GLB1: variants seen among roughly 807,000 people sequenced by gnomAD.
GLB1 encodes beta-galactosidase.
A neutral mutation model predicts 74.0 loss-of-function variants in GLB1; 56 were observed. That is an observed-to-expected ratio of 0.76 (90% confidence interval 0.61 to 0.94). GLB1 has a LOEUF of 0.94. Among genes scored for constraint, GLB1 ranks in the 40% least tolerant of loss-of-function variants. The pLI, the probability that GLB1 is intolerant of heterozygous loss-of-function variation, is 0.00. For missense variants in GLB1, 787 were observed against 845.5 expected (o/e 0.93, Z 0.86); for synonymous variants, 323 against 323.6 (o/e 1.00, Z 0.02).
chr3:33,067,005 T>TC (rs1483240034), intron 4 of GLB1, among the ~76,000 whole-genome samples: 2 of 148,766 alleles, frequency 1.3e-5, no homozygotes, highest in Non-Finnish European at 3.0e-5. Context: ...TTTATTTCTT[T>TC]TTTTTTTTTT....
At chr3:33,033,971 G>A (rs867082216) in intron 10 of GLB1, 6 of 555,196 alleles carry the variant, frequency 1.1e-5, no homozygotes, top group South Asian at 5.7e-5. Flanking sequence ...AGAAAAATCC[G>A]TCAAAATCTT....
At chr3:33,031,004 AC>A (rs1441626886) in intron 10 of GLB1, among the ~76,000 whole-genome samples, 1 of 152,188 alleles carries the variant, frequency 6.6e-6, no homozygotes, top group East Asian at 1.9e-4. Flanking sequence ...CAAAGCAAAT[AC>A]CTTTTAAAAT....
intron 1 of GLB1, chr3:33,092,416 C>T: frequency 2.0e-6 from 2 of 995,568 alleles, no homozygotes; most frequent in Non-Finnish European, 2.4e-6. Context: ...CTGGAAACCA[C>T]TTAAGTCCTA....
intron 10 of GLB1, among the ~76,000 whole-genome samples, chr3:33,038,544 T>C (rs1210782311): frequency 6.6e-6 from 1 of 152,032 alleles, no homozygotes; most frequent in Non-Finnish European, 1.5e-5. Flanking sequence ...TCCAAAAAAA[T>C]GGAAAATGTC....
At chr3:33,092,704 G>C (rs1339069120) in intron 1 of GLB1, 1 of 1,456,652 alleles carries the variant, frequency 6.9e-7, no homozygotes, top group Non-Finnish European at 9.0e-7. Context: ...TTTGAGTCAG[G>C]CTTGTGACCA....
intron 1 of GLB1, among the ~76,000 whole-genome samples, chr3:33,087,574 T>TGC (rs143221303): frequency 0.021 from 1,085 of 51,808 alleles, 12 homozygotes; most frequent in East Asian, 0.04. Flanking sequence ...TGTCTCAGCA[T>TGC]GCGCGCACAC....
chr3:33,093,172 G>A lies in GLB1; in HGVS notation c.75+3839C>T. 6.2e-7 allele frequency: 1 copy of A among 1,614,164 alleles called. No individual in the cohort carries two copies. The highest frequency in any genetic ancestry group is 8.5e-7 in the Non-Finnish European group (1 of 1,180,024). On this transcript the variant is annotated intron_variant, in intron 1 of 15. Transcript: ENST00000307363. The surrounding 1 kb of genome is among the most constrained non-coding windows in gnomAD (Gnocchi z 6.0). ...TCCATGCCATGGCCAGAGTAGTGCA[G>A]GATGTCTGCTTCAATATCGTCCACC...
chr3:33,053,586 G>A lies in GLB1; in HGVS notation c.734-37C>T, dbSNP rs754552560. On this transcript the variant is annotated intron_variant, in intron 6 of 15. Transcript: ENST00000307363. Reference sequence around the variant, plus strand: ...AAGAGGGAGAAGGTAGGTCAGTCGTGGAAATGACAAGAAGTTAAATAACAA... The same window carrying A: ...AAGAGGGAGAAGGTAGGTCAGTCGTAGAAATGACAAGAAGTTAAATAACAA... 7.4e-6 allele frequency: 12 copies of A among 1,613,654 alleles called. No individual in the cohort carries two copies. The Admixed American group carries it at 1.3e-4, about 18-fold the overall frequency.
intron 15 of GLB1, among the ~76,000 whole-genome samples, chr3:33,006,321 C>T (rs1220750092): frequency 6.6e-6 from 1 of 152,218 alleles, no homozygotes; most frequent in Non-Finnish European, 1.5e-5. Context: ...CTATTGTGAA[C>T]TGCGCACGCG....
chr3:33,067,602 G>C (rs945016625), intron 4 of GLB1, among the ~76,000 whole-genome samples: 1 of 152,124 alleles, frequency 6.6e-6, no homozygotes, highest in African/African-American at 2.4e-5. Context: ...TTAGCGAGGT[G>C]CTATCATTGG....
At chr3:33,045,663 T>C in intron 10 of GLB1, 1 of 1,010,326 alleles carries the variant, frequency 9.9e-7, no homozygotes, top group Non-Finnish European at 1.2e-6. Context: ...GTACATTAGC[T>C]GTGTCTCAAG....
intron 1 of GLB1, among the ~76,000 whole-genome samples, chr3:33,087,937 T>C (rs1374491929): frequency 1.3e-5 from 2 of 152,180 alleles, no homozygotes; most frequent in East Asian, 1.9e-4. Context: ...ATTCCTAAAA[T>C]GCAAGAATGG....
At chr3:33,090,440 A>C in intron 1 of GLB1, 1 of 985,474 alleles carries the variant, frequency 1.0e-6, no homozygotes. Flanking sequence ...GAATGGCAGC[A>C]GGATCAATTT....
chr3:33,052,047 C>T (rs1699016459), intron 7 of GLB1, 43 bp from the exon 8 acceptor site: 1 of 1,608,690 alleles, frequency 6.2e-7, no homozygotes, highest in Non-Finnish European at 8.5e-7. Context: ...AGACTTATGA[C>T]CTTCCAATGC....
At chr3:33,009,043 TG>T (rs1245015432) in intron 15 of GLB1, among the ~76,000 whole-genome samples, 8 of 150,490 alleles carry the variant, frequency 5.3e-5, no homozygotes, top group Non-Finnish European at 8.9e-5. Context: ...CGCTTGAACC[TG>T]GGAGGCGGAG....
intron 10 of GLB1, among the ~76,000 whole-genome samples, chr3:33,041,283 G>A (rs1698487964): frequency 6.6e-6 from 1 of 152,186 alleles, no homozygotes; most frequent in Non-Finnish European, 1.5e-5. Flanking sequence ...TCAAGAGAGT[G>A]ACAGAGTACA....
intron 12 of GLB1, among the ~76,000 whole-genome samples, chr3:33,020,781 T>G (rs931668775): frequency 2.6e-5 from 4 of 152,216 alleles, no homozygotes; most frequent in Non-Finnish European, 5.9e-5. Flanking sequence ...TTCTCATGTG[T>G]GATCATTGTA....
chr3:33,053,046 C>T (rs900757827), intron 7 of GLB1, among the ~76,000 whole-genome samples: 8 of 152,168 alleles, frequency 5.3e-5, no homozygotes, highest in African/African-American at 1.7e-4. Context: ...CAGCCAAAGA[C>T]GGGAAGAACG....
intron 13 of GLB1, among the ~76,000 whole-genome samples, chr3:33,017,801 G>A (rs972062172): frequency 1.3e-5 from 2 of 152,206 alleles, no homozygotes; most frequent in African/African-American, 2.4e-5. Context: ...CACCCTTAAG[G>A]AGCAAAGAAA....
Sources: allele counts gnomAD v4.1 joint callset (sites outside exome capture counted in the v4.1 genomes callset), GRCh38; gene constraint gnomAD v4.1.1; non-coding constraint Gnocchi (gnomAD v3.1); transcripts MANE v1.5; gene names NCBI Gene and HGNC (gene_info 2026-07-23, HGNC 2026-07-21).